The following CYP19A1 variants were observed in gnomAD, a reference collection of about 807,000 sequenced individuals.
CYP19A1 encodes the protein aromatase.
In CYP19A1, 32 loss-of-function variants were observed where a neutral mutation model predicts 44.4. The ratio of observed to expected loss-of-function variants is 0.72; its 90% confidence interval spans 0.54 to 0.97. The LOEUF (loss-of-function observed/expected upper bound fraction) is 0.97, where lower values mean the gene tolerates loss of function less well. Among genes scored for constraint, CYP19A1 ranks in the 50% least tolerant of loss-of-function variants. CYP19A1 has a pLI of 0.00. For missense variants in CYP19A1, 598 were observed against 637.8 expected, an observed-to-expected ratio of 0.94 and a Z score of 0.67; for synonymous variants, 212 against 215.6, an observed-to-expected ratio of 0.98 and a Z score of 0.14.
At chr15:51,281,552 G>A (rs1192319617) in intron 1 of CYP19A1, among the ~76,000 whole-genome samples, 1 of 152,196 alleles carries the variant, frequency 6.6e-6, no homozygotes, top group East Asian at 1.9e-4. Context: ...TTGAGCAACA[G>A]GGGGCAGCAA....
chr15:51,270,594 CTCATT>C (rs2035088363), intron 1 of CYP19A1, among the ~76,000 whole-genome samples: 1 of 152,220 alleles, frequency 6.6e-6, no homozygotes, highest in Non-Finnish European at 1.5e-5. Context: ...GGCATCTTAT[CTCATT>C]TGAGTCTTTA....
chr15:51,240,083 C>T (rs1271855296), intron 2 of CYP19A1, among the ~76,000 whole-genome samples: 2 of 50 alleles, frequency 0.04, no homozygotes, highest in Non-Finnish European at 0.062. Flanking sequence ...CCCCCTTCTC[C>T]GCAGAATGAC....
chr15:51,231,846 A>T (rs1005477234), intron 3 of CYP19A1, among the ~76,000 whole-genome samples: 1 of 151,968 alleles, frequency 6.6e-6, no homozygotes, highest in Non-Finnish European at 1.5e-5. Context: ...CTACAAGAGA[A>T]TCTCCACAAT....
intron 1 of CYP19A1, among the ~76,000 whole-genome samples, chr15:51,312,010 C>T (rs1396243934): frequency 6.6e-6 from 1 of 152,148 alleles, no homozygotes; most frequent in African/African-American, 2.4e-5. Context: ...AAACAAAAAA[C>T]TGCTTTTCTG....
intron 1 of CYP19A1, among the ~76,000 whole-genome samples, chr15:51,244,446 G>T (rs2033957810): frequency 1.3e-5 from 2 of 151,888 alleles, no homozygotes; most frequent in Non-Finnish European, 2.9e-5. Flanking sequence ...TTGTGCTTAT[G>T]TTGAGCAGTT....
intron 8 of CYP19A1, among the ~76,000 whole-genome samples, chr15:51,214,662 T>C (rs983853098): frequency 6.6e-6 from 1 of 152,204 alleles, no homozygotes; most frequent in South Asian, 2.1e-4. Flanking sequence ...TATGATCCCA[T>C]GTTTTTGTAA....
chr15:51,287,218 C>G (rs1439167712), intron 1 of CYP19A1, among the ~76,000 whole-genome samples: 1 of 152,184 alleles, frequency 6.6e-6, no homozygotes, highest in Non-Finnish European at 1.5e-5. Flanking sequence ...TCCCAGCACC[C>G]CTGGACAAGC....
At chr15:51,218,922 C>T (rs1211462696) in intron 5 of CYP19A1, among the ~76,000 whole-genome samples, 1 of 152,208 alleles carries the variant, frequency 6.6e-6, no homozygotes, top group Admixed American at 6.5e-5. Flanking sequence ...TTCAAGTTTT[C>T]AGCCTAGAAT....
At chr15:51,228,011 G>GGGTCAGGAGAA in intron 3 of CYP19A1, 78 bp from the exon 4 acceptor site, 1 of 800,152 alleles carries the variant, frequency 1.2e-6, no homozygotes, top group Non-Finnish European at 2.3e-6. Context: ...CTAGGAGGTA[G>GGGTCAGGAGAA]CTCTCTTAGC....
intron 1 of CYP19A1, among the ~76,000 whole-genome samples, chr15:51,299,896 A>G (rs2036077373): frequency 6.6e-6 from 1 of 152,246 alleles, no homozygotes; most frequent in South Asian, 2.1e-4. Flanking sequence ...TGAAGGTTCT[A>G]CAGAGGAGGC....
At chr15:51,226,657 A>ATGTAGCTAACTAAGTACCTGCTTACCTT (rs1211218367) in intron 4 of CYP19A1, among the ~76,000 whole-genome samples, 14 of 152,134 alleles carry the variant, frequency 9.2e-5, no homozygotes, top group African/African-American at 3.4e-4. Context: ...CAGACCTAAA[A>ATGTAGCTAACTAAGTACCTGCTTACCTT]TCATCTAGCC....
intron 1 of CYP19A1, among the ~76,000 whole-genome samples, chr15:51,311,466 G>A (rs1036251902): frequency 7.9e-5 from 12 of 152,094 alleles, no homozygotes; most frequent in East Asian, 3.8e-4. Context: ...ATAAAGCCTC[G>A]AGGATCTGTG....
At chr15:51,300,744 C>T (rs992859919) in intron 1 of CYP19A1, among the ~76,000 whole-genome samples, 12 of 152,292 alleles carry the variant, frequency 7.9e-5, no homozygotes, top group South Asian at 4.1e-4. Context: ...CAAATTACAC[C>T]GCCATTCTAT....
intron 1 of CYP19A1, among the ~76,000 whole-genome samples, chr15:51,317,781 C>T (rs2036454914): frequency 1.3e-5 from 2 of 152,286 alleles, no homozygotes; most frequent in South Asian, 4.1e-4. Context: ...TTCCAATGTA[C>T]AAATGAAGAA....
In CYP19A1 at chr15:51,213,741, A is replaced by C. The variant is rs112876620; in HGVS notation, c.1022-1180T>G. Among the ~76,000 whole-genome samples the C allele has an allele frequency of 9.0e-4, 137 of 152,266 alleles. 1 individual carries two copies. Among genetic ancestry groups the C allele is most frequent in the African/African-American group, 3.2e-3 (133 of 41,540 alleles). ...TCACCTCTCAAATAAATGGTATTCA[A>C]TATGTATTAAAGGCTTATGGTTTCT... On this transcript the variant is annotated intron_variant, in intron 8 of 9. Transcript: ENST00000396402.
chr15:51,331,499 A>T (rs1238833536), intron 1 of CYP19A1, among the ~76,000 whole-genome samples: 2 of 152,246 alleles, frequency 1.3e-5, no homozygotes, highest in South Asian at 4.1e-4. Flanking sequence ...GCAAACCTGT[A>T]AATACTGACC....
intron 1 of CYP19A1, among the ~76,000 whole-genome samples, chr15:51,290,858 T>C (rs2035827303): frequency 1.3e-5 from 2 of 152,222 alleles, no homozygotes; most frequent in Admixed American, 1.3e-4. Flanking sequence ...TTAAGCAGCT[T>C]GGCTGGGGCC....
At chr15:51,319,760 C>T (rs1172067011) in intron 1 of CYP19A1, among the ~76,000 whole-genome samples, 1 of 152,214 alleles carries the variant, frequency 6.6e-6, no homozygotes, top group African/African-American at 2.4e-5. Flanking sequence ...CGTGTGCAAG[C>T]TGCTCTTTTA....
In CYP19A1 at chr15:51,221,431, G is replaced by A. The variant is rs1742650590; in HGVS notation, c.628+918C>T. 2.0e-5 allele frequency: 3 copies of A among 152,216 alleles called. No homozygotes were observed. The South Asian group carries it at 6.2e-4, about 31-fold the overall frequency. 9.4% of individuals were successfully genotyped at this position (152,216 alleles called of 1,614,324 possible). Reference sequence around the variant, plus strand: ...ATTCCTATACTTTCCAGGTTAGTGTGTGGATAAAGGTCACAATGGCAATAA... The same window carrying A: ...ATTCCTATACTTTCCAGGTTAGTGTATGGATAAAGGTCACAATGGCAATAA... On this transcript the variant is annotated intron_variant, in intron 5 of 9. Transcript: ENST00000396402.
Sources: allele counts gnomAD v4.1 joint callset (sites outside exome capture counted in the v4.1 genomes callset), GRCh38; gene constraint gnomAD v4.1.1; transcripts MANE v1.5; gene names NCBI Gene and HGNC (gene_info 2026-07-23, HGNC 2026-07-21).